KLHL13: variants seen among roughly 807,000 people sequenced by gnomAD.
The protein encoded by KLHL13 is kelch like family member 13.
KLHL13 carries 10 observed loss-of-function variants against 37.1 expected under a neutral mutation model. The ratio of observed to expected loss-of-function variants is 0.27; its 90% CI spans 0.17 to 0.46. The LOEUF is 0.46. Ranked by LOEUF, KLHL13 falls within the 20% of genes least tolerant of loss-of-function variation. The pLI is 1.00. For missense variants in KLHL13, 360 were observed against 509.3 expected (o/e 0.71, Z 2.82); for synonymous variants, 163 against 181.2 (o/e 0.90, Z 0.81).
chrX:118,034,182 C>T lies in KLHL13; in HGVS notation c.-56+82326G>A, dbSNP rs1486357211. On this transcript the variant is annotated intron_variant, in intron 1 of 6. Transcript: ENST00000371882. ...CCACTGTCAACATTAGACAGATCAA[C>T]GAGACAGAAAGTTAACAAGGATATC... Among the ~76,000 whole-genome samples the T allele has an allele frequency of 1.9e-4, 20 of 102,760 alleles. No individual in the cohort carries two copies. The East Asian group carries it at 5.2e-3, about 27-fold the overall frequency. 89.2% of individuals were successfully genotyped at this position (102,760 alleles called of 115,157 possible).
At chrX:118,102,130 A>G (rs755968445) in intron 1 of KLHL13, among the ~76,000 whole-genome samples, 1 of 111,403 alleles carries the variant, frequency 9.0e-6, no homozygotes, top group South Asian at 3.9e-4. Context: ...GTCATGATGG[A>G]CTTGTATACT....
At chrX:118,090,039 C>A (rs1429474878) in intron 1 of KLHL13, among the ~76,000 whole-genome samples, 2 of 101,978 alleles carry the variant, frequency 2.0e-5, no homozygotes, top group Non-Finnish European at 4.0e-5. Flanking sequence ...CGAGATCATG[C>A]CACTTCACTC....
chrX:118,100,211 T>C (rs967017920), intron 1 of KLHL13, among the ~76,000 whole-genome samples: 1 of 111,865 alleles, frequency 8.9e-6, no homozygotes, highest in African/African-American at 3.2e-5. Context: ...GGCTCCAAAA[T>C]GCACCAGGAG....
chrX:117,947,132 G>A (rs370301100), intron 1 of KLHL13: 3 of 111,732 alleles, frequency 2.7e-5, no homozygotes, highest in African/African-American at 6.5e-5. Flanking sequence ...ATGATATATA[G>A]CACACACACA....
At position 118,060,183 on chromosome X, in the gene KLHL13, T is replaced by A. The variant is rs753101481; in HGVS notation, c.-56+56325A>T. Among the ~76,000 whole-genome samples the A allele has an allele frequency of 2.7e-5, 3 of 111,893 alleles. No homozygotes were observed. The East Asian group carries it at 8.4e-4, about 31-fold the overall frequency. On this transcript the variant is annotated intron_variant, in intron 1 of 6. Coordinates refer to the KLHL13 transcript ENST00000371882. ...CAGAGGAAGAATACTTATCTCAGCA[T>A]ATTCCCAGGGGACAGGTATACTGTG... is the stretch of plus-strand genomic sequence containing the variant.
intron 1 of KLHL13, among the ~76,000 whole-genome samples, chrX:118,096,449 C>A (rs1236314165): frequency 1.8e-5 from 2 of 111,475 alleles, no homozygotes; most frequent in African/African-American, 3.3e-5. Context: ...AGCTTACCAA[C>A]CAAAAAAAGT....
intron 1 of KLHL13, among the ~76,000 whole-genome samples, chrX:118,019,924 T>C (rs376054802): frequency 1.9e-5 from 2 of 105,220 alleles, no homozygotes; most frequent in East Asian, 3.0e-4. Context: ...AGTCAGGTAG[T>C]GTGATGCCTC....
chrX:118,101,183 C>T (rs763648905), intron 1 of KLHL13, among the ~76,000 whole-genome samples: 1 of 111,829 alleles, frequency 8.9e-6, no homozygotes, highest in East Asian at 2.8e-4. Context: ...TTTATTTTAT[C>T]AATACCTCTT....
At position 117,929,778 on chromosome X, in the gene KLHL13, CAAAAAAAAAAA is replaced by C. The variant is rs761687127; in HGVS notation, c.241-9419_241-9409del. Among the ~76,000 whole-genome samples the C allele has an allele frequency of 3.2e-4, 8 of 25,029 alleles. No homozygotes were observed. The South Asian group carries it at 0.012, about 39-fold the overall frequency. The allele number at this position is 25,029 out of a possible 115,157, so 21.7% of individuals were successfully genotyped here. ...GCAATATAGTGAGACATCGTCTCTA[CAAAAAAAAAAA>C]AAAAAAAAAAAAAAACTTAAATTAA... On this transcript the variant is annotated intron_variant, in intron 2 of 6. Coordinates refer to ENST00000262820, the Ensembl canonical transcript of KLHL13.
intron 1 of KLHL13, among the ~76,000 whole-genome samples, chrX:118,032,761 G>A (rs893441697): frequency 1.6e-4 from 18 of 112,363 alleles, no homozygotes; most frequent in Middle Eastern, 4.2e-3. Flanking sequence ...GACGAGCTGA[G>A]AGAAGAAGGC....
chrX:117,984,642 C>T (rs1056480111), intron 1 of KLHL13, among the ~76,000 whole-genome samples: 7 of 111,123 alleles, frequency 6.3e-5, no homozygotes, highest in Non-Finnish European at 1.1e-4. Flanking sequence ...TCCTTAATGA[C>T]AGTACTATTT....
intron 1 of KLHL13, among the ~76,000 whole-genome samples, chrX:118,094,246 C>A (rs1226196971): frequency 9.0e-6 from 1 of 110,965 alleles, no homozygotes; most frequent in Non-Finnish European, 1.9e-5. Context: ...GACGAATGCA[C>A]AAGCCTCAGT....
intron 1 of KLHL13, among the ~76,000 whole-genome samples, chrX:118,030,211 TTC>T (rs1438196599): frequency 8.9e-6 from 1 of 111,812 alleles, no homozygotes; most frequent in African/African-American, 3.2e-5. Context: ...CTGCTTATAA[TTC>T]TGTTATTACA....
chrX:117,919,545 G>A (rs1931575608), exon 4 of KLHL13: 5 of 1,208,820 alleles, frequency 4.1e-6, no homozygotes, highest in Non-Finnish European at 5.6e-6. Flanking sequence ...ACACTTTACA[G>A]AAGTCCAAAA....
At chrX:118,066,391 G>A (rs2054793966) in intron 1 of KLHL13, among the ~76,000 whole-genome samples, 1 of 111,501 alleles carries the variant, frequency 9.0e-6, no homozygotes, top group African/African-American at 3.3e-5. Context: ...ATACCAACTG[G>A]AGGCAATAAC....
At chrX:117,997,289 T>A (rs1248772540) in intron 1 of KLHL13, among the ~76,000 whole-genome samples, 1 of 111,487 alleles carries the variant, frequency 9.0e-6, no homozygotes, top group African/African-American at 3.3e-5. Flanking sequence ...AACGTTTCCC[T>A]TTTTAAATAT....
chrX:117,916,796 G>T (rs1931393082), intron 4 of KLHL13, among the ~76,000 whole-genome samples: 1 of 111,793 alleles, frequency 8.9e-6, no homozygotes, highest in Non-Finnish European at 1.9e-5. Context: ...TTTTGATTAT[G>T]TGAACTATAA....
At chrX:118,064,959 T>C (rs2054780358) in intron 1 of KLHL13, among the ~76,000 whole-genome samples, 1 of 111,801 alleles carries the variant, frequency 8.9e-6, no homozygotes, top group African/African-American at 3.2e-5. Context: ...AATTTTAATA[T>C]ATCTAAATGA....
chrX:117,951,902 G>C (rs1014084390), intron 1 of KLHL13, among the ~76,000 whole-genome samples: 4 of 111,923 alleles, frequency 3.6e-5, no homozygotes, highest in Admixed American at 1.9e-4. Context: ...GGAAATAAAA[G>C]AGGATACAAA....
Sources: allele counts gnomAD v4.1 joint callset (sites outside exome capture counted in the v4.1 genomes callset), GRCh38; gene constraint gnomAD v4.1.1; transcripts MANE v1.5; gene names NCBI Gene and HGNC (gene_info 2026-07-23, HGNC 2026-07-21).